Variants in PCDHGA2 observed in about 807,000 individuals in gnomAD.
PCDHGA2 encodes protocadherin gamma-A2.
Under a neutral mutation model 59.2 loss-of-function variants are expected in PCDHGA2, and 40 were observed. The observed-to-expected ratio is 0.68, with a 90% CI of 0.52 to 0.88. The LOEUF (loss-of-function observed/expected upper bound fraction) is 0.88, where lower values mean the gene tolerates loss of function less well. PCDHGA2 is among the 40% of genes least tolerant of loss of function. The probability of loss-of-function intolerance (pLI) is 0.00; values close to 1 mark genes in which losing one functional copy is unlikely to be tolerated. For synonymous variants in PCDHGA2, 560 were observed against 526.0 expected (o/e 1.06, Z -0.89); for missense variants, 1,226 against 1,204.0 (o/e 1.02, Z -0.27).
chr5:141,452,641 CT>C (rs1351640847), intron 1 of PCDHGA2, among the ~76,000 whole-genome samples: 3 of 151,934 alleles, frequency 2.0e-5, no homozygotes, highest in Admixed American at 1.3e-4. Flanking sequence ...AATATATTTA[CT>C]CATTTGCTCC....
chr5:141,447,449 C>A (rs2098539583), intron 1 of PCDHGA2, among the ~76,000 whole-genome samples: 1 of 152,058 alleles, frequency 6.6e-6, no homozygotes, highest in Non-Finnish European at 1.5e-5. Flanking sequence ...AAATTTTTAA[C>A]CTCAGTTTTT....
intron 1 of PCDHGA2, chr5:141,422,006 C>G: frequency 6.2e-7 from 1 of 1,609,754 alleles, no homozygotes; most frequent in Non-Finnish European, 8.5e-7. Flanking sequence ...AGCTCCGGAA[C>G]TCGGGTGCTG....
chr5:141,418,036 G>T, intron 1 of PCDHGA2: 1 of 1,614,020 alleles, frequency 6.2e-7, no homozygotes, highest in Non-Finnish European at 8.5e-7. Context: ...TTAGTGTCCT[G>T]GATGTGTCGG....
chr5:141,341,362 A>T lies in PCDHGA2; in HGVS notation c.2391A>T (p.Leu797=). The part of the protein sequence containing the change: ...KKDFLSAPQS[L]LEEEREETFS... ...ATTTTTTATCAGCGCCTCAATCTCT[A>T]CTCGAAGAAGAAAGAGAAGAAACGT... Residue 797 remains leucine (L), a synonymous_variant, in exon 1 of 4, where the codon CTA becomes CTT. Transcript: ENST00000394576. 2 of 1,614,184 alleles carry T rather than the reference A, an allele frequency of 1.2e-6. No homozygotes were observed. Among genetic ancestry groups the T allele is most frequent in the African/African-American group, 2.7e-5 (2 of 75,030 alleles).
chr5:141,453,204 C>T (rs1345502837), intron 1 of PCDHGA2, among the ~76,000 whole-genome samples: 1 of 152,260 alleles, frequency 6.6e-6, no homozygotes, highest in East Asian at 1.9e-4. Flanking sequence ...GCCTCAACCT[C>T]GTGCACTTAA....
At chr5:141,351,586 C>T (rs377147713) in intron 1 of PCDHGA2, 6 of 1,613,936 alleles carry the variant, frequency 3.7e-6, no homozygotes, top group African/African-American at 1.3e-5. Context: ...CCGACATCAA[C>T]GACAATGCAC....
chr5:141,426,614 G>T (rs1468159807), intron 1 of PCDHGA2: 25 of 385,508 alleles, frequency 6.5e-5, no homozygotes, highest in Non-Finnish European at 1.3e-4. Context: ...TTGTAGCAGA[G>T]AATCCTCTAA....
At chr5:141,403,178 T>G in intron 1 of PCDHGA2, 3 of 1,613,980 alleles carry the variant, frequency 1.9e-6, no homozygotes, top group Non-Finnish European at 2.5e-6. Context: ...GCAGCTTTTC[T>G]CTCTGAACCC....
chr5:141,355,989 C>T lies in PCDHGA2; in HGVS notation c.2424+14594C>T, dbSNP rs539292307. ...TTCCTGTAGGCACTCGGCTACTCAC[C>T]GTAAAAGCCACTGATCCAGATGAAG... is the stretch of plus-strand genomic sequence containing the variant. On this transcript the variant is annotated intron_variant, in intron 1 of 3. Coordinates refer to ENST00000394576, the MANE Select transcript of PCDHGA2 (RefSeq NM_018915.4). 7 of 1,613,804 alleles carry T rather than the reference C, an allele frequency of 4.3e-6. No homozygotes were observed. The South Asian group carries it at 7.7e-5, about 18-fold the overall frequency.
chr5:141,429,387 T>TTAA (rs775632416), intron 1 of PCDHGA2, among the ~76,000 whole-genome samples: 1 of 151,334 alleles, frequency 6.6e-6, no homozygotes, highest in Non-Finnish European at 1.5e-5. Flanking sequence ...GTTTTTTTTT[T>TTAA]AAAAAAAATT....
In PCDHGA2 at chr5:141,485,713, G is replaced by A. The variant is rs769162337; in HGVS notation, c.2425-9094G>A. The stretch of plus-strand genomic sequence containing the variant: ...TGAGCTCCAATGAACACTTTGCACT[G>A]GATGTGAAGAAGCGCAGCGACGGCA... On this transcript the variant is annotated intron_variant, in intron 1 of 3. Transcript: ENST00000394576. The surrounding 1 kb of genome is among the most constrained non-coding windows in gnomAD (Gnocchi z 5.7). 2 of 1,614,084 alleles carry A rather than the reference G, an allele frequency of 1.2e-6. No homozygotes were observed. The highest frequency in any genetic ancestry group is 1.3e-5 in the African/African-American group (1 of 74,942).
In PCDHGA2 at chr5:141,511,364, T is replaced by C. The variant is rs115159796; in HGVS notation, c.*191T>C. The C allele has an allele frequency of 4.6e-4, 610 of 1,317,098 alleles. 5 individuals are homozygous for C. In the African/African-American group the frequency reaches 7.1e-3, roughly 15 times the overall value. The allele number at this position is 1,317,098 out of a possible 1,614,324, so 81.6% of individuals were successfully genotyped here. On this transcript the variant is annotated 3_prime_UTR_variant, in exon 4 of 4. Coordinates refer to ENST00000394576, the MANE Select transcript of PCDHGA2 (RefSeq NM_018915.4). ...ACCCCTTCCCCCCCAGGGGGTTGAA[T>C]ATGCAAAAGCAGTTCCGCTGGGAAC...
At chr5:141,349,875 G>A (rs919038227) in intron 1 of PCDHGA2, among the ~76,000 whole-genome samples, 1 of 152,078 alleles carries the variant, frequency 6.6e-6, no homozygotes, top group African/African-American at 2.4e-5. Flanking sequence ...AATGATGAAG[G>A]CCCTTATCTG....
chr5:141,360,170 G>T (rs72790010), intron 1 of PCDHGA2: 2 of 1,607,748 alleles, frequency 1.2e-6, no homozygotes, highest in Non-Finnish European at 1.7e-6. Context: ...GGGCTGGTGC[G>T]GTGGCTGCAG....
chr5:141,488,441 C>T (rs1320712074), intron 1 of PCDHGA2, among the ~76,000 whole-genome samples: 1 of 152,206 alleles, frequency 6.6e-6, no homozygotes, highest in Non-Finnish European at 1.5e-5. Flanking sequence ...TGACCACCCT[C>T]CTGGGTGACC....
intron 1 of PCDHGA2, chr5:141,410,578 T>A (rs1432039651): frequency 6.2e-7 from 1 of 1,610,984 alleles, no homozygotes; most frequent in African/African-American, 1.3e-5. Context: ...TTCCACCTCA[T>A]GGTGGGGAGG....
At chr5:141,395,926 A>G (rs2093327122) in intron 1 of PCDHGA2, 1 of 152,218 alleles carries the variant, frequency 6.6e-6, no homozygotes, top group South Asian at 2.1e-4. Flanking sequence ...TCTAAAGCCT[A>G]GAATGTCCAT....
In PCDHGA2 at chr5:141,340,598, A is replaced by C; in HGVS notation, c.1627A>C (p.Ser543Arg). ...GCGGGACAGCGGGAACCCTCCACTC[A>C]GTAGCAATGTATCATTAAGCCTGTT... Reference protein sequence around the residue: ...IARDSGNPPLSSNVSLSLFVL... With the variant: ...IARDSGNPPLRSNVSLSLFVL... The change falls in exon 1 of 4, where the codon AGT becomes CGT. Residue 543 changes from serine to arginine, a missense_variant. Physicochemically the swap from Ser to Arg is moderately radical, Grantham distance 110 (BLOSUM62 -1). Transcript: ENST00000394576. The C allele has an allele frequency of 1.2e-6, 2 of 1,614,206 alleles. No homozygotes were observed. The highest frequency in any genetic ancestry group is 1.7e-6 in the Non-Finnish European group (2 of 1,180,030).
rs554375300 is a variant in PCDHGA2 at position 141,361,649 on chromosome 5, T to C, written c.2424+20254T>C. The stretch of plus-strand genomic sequence containing the variant: ...AAGCCGCGGGAGATTTTATCCTACG[T>C]GTCCGTGAGCGCGCAGAGCGGGGTG... On this transcript the variant is annotated intron_variant, in intron 1 of 3. Transcript: ENST00000394576. 3.7e-6 allele frequency: 6 copies of C among 1,613,772 alleles called. No individual in the cohort carries two copies. The East Asian group carries it at 1.3e-4, about 36-fold the overall frequency.
Sources: allele counts gnomAD v4.1 joint callset (sites outside exome capture counted in the v4.1 genomes callset), GRCh38; gene constraint gnomAD v4.1.1; non-coding constraint Gnocchi (gnomAD v3.1); transcripts MANE v1.5; gene names NCBI Gene and HGNC (gene_info 2026-07-23, HGNC 2026-07-21).